The following FAM117B variants were observed in gnomAD, a reference collection of about 807,000 sequenced individuals.
The protein encoded by FAM117B is family with sequence similarity 117 member B.
In FAM117B, 22 loss-of-function variants were observed where a neutral mutation model predicts 52.8. The observed-to-expected ratio is 0.42, with a 90% CI of 0.30 to 0.59. FAM117B has a LOEUF of 0.59. Among genes scored for constraint, FAM117B ranks in the 20% least tolerant of loss-of-function variants. The probability of loss-of-function intolerance (pLI) is 0.22; values close to 1 mark genes in which losing one functional copy is unlikely to be tolerated. For synonymous variants in FAM117B, 309 were observed against 324.1 expected (o/e 0.95, Z 0.50); for missense variants, 678 against 802.6 (o/e 0.84, Z 1.88).
chr2:202,659,911 G>A lies in FAM117B; in HGVS notation c.601+24123G>A, dbSNP rs188986146. Among the ~76,000 whole-genome samples the A allele has an allele frequency of 5.3e-4, 80 of 151,654 alleles. No homozygotes were observed. The East Asian group carries it at 0.013, about 25-fold the overall frequency. On this transcript the variant is annotated intron_variant, in intron 1 of 7. Coordinates refer to ENST00000392238, the MANE Select transcript of FAM117B (RefSeq NM_173511.4). ...TGGGATTACAGGTGTAAGCCACTGC[G>A]CCCGGCCACCACCGTGCTCATTTTT...
chr2:202,648,577 G>A (rs765344238), intron 1 of FAM117B, among the ~76,000 whole-genome samples: 13 of 143,658 alleles, frequency 9.0e-5, no homozygotes, highest in East Asian at 4.1e-4. Context: ...GTGTGTGTGC[G>A]TGTATGTCGT....
At chr2:202,668,543 AAAAG>A (rs1690245477) in intron 1 of FAM117B, among the ~76,000 whole-genome samples, 2 of 145,544 alleles carry the variant, frequency 1.4e-5, no homozygotes, top group East Asian at 1.9e-4. Flanking sequence ...AAAAAAAAAA[AAAAG>A]AAAAAGAAGG....
intron 1 of FAM117B, among the ~76,000 whole-genome samples, chr2:202,675,486 C>T (rs183579766): frequency 6.8e-6 from 1 of 146,692 alleles, no homozygotes; most frequent in Non-Finnish European, 1.5e-5. Context: ...TGCTACCTCT[C>T]TCAGAAAACC....
In FAM117B at chr2:202,750,555, C is replaced by T. The variant is rs147963060; in HGVS notation, c.961-4983C>T. Among the ~76,000 whole-genome samples the T allele has an allele frequency of 3.3e-3, 502 of 152,270 alleles. 3 individuals are homozygous for T. Among genetic ancestry groups the T allele is most frequent in the African/African-American group, 0.011 (446 of 41,560 alleles). ...CAAAACTCAACTACTGCCTTAGATG[C>T]CCCATGTCCAAATACAGCCACATTG... On this transcript the variant is annotated intron_variant, in intron 4 of 7. Coordinates refer to ENST00000392238, the MANE Select transcript of FAM117B (RefSeq NM_173511.4).
Position 202,746,433 on chromosome 2 carries a change from CA to C in FAM117B, c.961-9101del, listed in dbSNP as rs557247622. ...AAATGAAAATGCAAGTACAACATAC[CA>C]AAACCTATGAGATACAGTATAAGAA... On this transcript the variant is annotated intron_variant, in intron 4 of 7. Transcript: ENST00000392238. 3.3e-5 allele frequency among the ~76,000 whole-genome samples: 5 copies of C among 151,550 alleles called. No homozygotes were observed. The East Asian group carries it at 9.7e-4, about 29-fold the overall frequency.
intron 1 of FAM117B, among the ~76,000 whole-genome samples, chr2:202,648,975 A>G (rs1689913534): frequency 6.6e-6 from 1 of 151,202 alleles, no homozygotes; most frequent in South Asian, 2.1e-4. Context: ...GCTGGTCTCG[A>G]GCTCCTGACC....
At chr2:202,668,419 T>G (rs1455190756) in intron 1 of FAM117B, among the ~76,000 whole-genome samples, 2 of 144,988 alleles carry the variant, frequency 1.4e-5, no homozygotes, top group African/African-American at 2.5e-5. Flanking sequence ...TCCCAGCTAC[T>G]TCGGAGGCTG....
rs549680707 is a variant in FAM117B, at chr2:202,700,712, A to C, written c.753+4680A>C. 8.3e-4 allele frequency among the ~76,000 whole-genome samples: 114 copies of C among 138,048 alleles called. 1 individual carries two copies. Among genetic ancestry groups the C allele is most frequent in the African/African-American group, 3.2e-3 (109 of 34,390 alleles). 90.6% of individuals were successfully genotyped at this position (138,048 alleles called of 152,430 possible). On this transcript the variant is annotated intron_variant, in intron 2 of 7. Coordinates refer to ENST00000392238, the MANE Select transcript of FAM117B (RefSeq NM_173511.4). ...TTTTTTTTTTTTTTTTTTGAGATGG[A>C]GTCTTGCTCTGTCACCTAGGCTGGA... is the stretch of plus-strand genomic sequence containing the variant.
intron 1 of FAM117B, among the ~76,000 whole-genome samples, chr2:202,682,322 G>T (rs1046107222): frequency 6.6e-6 from 1 of 152,146 alleles, no homozygotes; most frequent in Non-Finnish European, 1.5e-5. Flanking sequence ...AGTTAAAAGG[G>T]TGCTGTAATG....
chr2:202,696,377 A>G (rs1042904513), intron 2 of FAM117B, among the ~76,000 whole-genome samples: 3 of 152,256 alleles, frequency 2.0e-5, no homozygotes, highest in East Asian at 3.9e-4. Flanking sequence ...GAAGAATTGT[A>G]TTGGGCCACG....
At chr2:202,696,128 G>A in intron 2 of FAM117B, 96 bp downstream of exon 2, 2 of 1,306,276 alleles carry the variant, frequency 1.5e-6, no homozygotes, top group Non-Finnish European at 2.1e-6. Context: ...AACATTTAGT[G>A]TATATTAGAA....
intron 7 of FAM117B, 150 bp from the exon 8 acceptor site, chr2:202,765,296 T>A (rs57454651): frequency 4.4e-5 from 32 of 724,016 alleles, no homozygotes; most frequent in Non-Finnish European, 6.9e-5. Context: ...TGTTTGAAGG[T>A]GGGGGACAGA....
chr2:202,659,454 C>T (rs1021819157), intron 1 of FAM117B, among the ~76,000 whole-genome samples: 12 of 151,878 alleles, frequency 7.9e-5, no homozygotes, highest in African/African-American at 2.2e-4. Context: ...GCATTATGGG[C>T]GCACATAATC....
At chr2:202,676,354 A>C (rs1690379060) in intron 1 of FAM117B, among the ~76,000 whole-genome samples, 1 of 150,514 alleles carries the variant, frequency 6.6e-6, no homozygotes, top group Non-Finnish European at 1.5e-5. Flanking sequence ...CTGAGAATCT[A>C]TGAGATAATA....
intron 7 of FAM117B, among the ~76,000 whole-genome samples, chr2:202,764,590 T>C (rs1004781177): frequency 2.0e-5 from 3 of 152,176 alleles, no homozygotes; most frequent in African/African-American, 7.2e-5. Flanking sequence ...TTTATTGTCA[T>C]TGGAAGAGAT....
intron 4 of FAM117B, among the ~76,000 whole-genome samples, chr2:202,732,627 T>C (rs1691371632): frequency 6.6e-6 from 1 of 152,066 alleles, no homozygotes; most frequent in South Asian, 2.1e-4. Context: ...GAAACCACCC[T>C]GGCCAACATA....
intron 1 of FAM117B, among the ~76,000 whole-genome samples, chr2:202,662,073 C>T (rs1690137294): frequency 6.6e-6 from 1 of 151,930 alleles, no homozygotes; most frequent in Admixed American, 6.6e-5. Flanking sequence ...AAGGAATTAA[C>T]CTAAATGCCC....
intron 1 of FAM117B, among the ~76,000 whole-genome samples, chr2:202,653,255 A>G (rs1689982756): frequency 6.6e-6 from 1 of 152,198 alleles, no homozygotes; most frequent in Non-Finnish European, 1.5e-5. Context: ...GCAACAGAGT[A>G]AGACCCTGTC....
intron 1 of FAM117B, among the ~76,000 whole-genome samples, chr2:202,662,968 G>T (rs531845502): frequency 6.6e-6 from 1 of 152,276 alleles, no homozygotes; most frequent in Admixed American, 6.5e-5. Context: ...AAACATGTAC[G>T]ATTGTTAATT....
Sources: gnomAD v4.1 joint callset for allele counts (sites outside exome capture counted in the v4.1 genomes callset) on GRCh38, gnomAD v4.1.1 for gene constraint, MANE v1.5 for transcripts, NCBI Gene and HGNC (gene_info 2026-07-23, HGNC 2026-07-21) for gene names.